SLC19A1: variants seen among roughly 807,000 people sequenced by gnomAD.
SLC19A1 encodes reduced folate transporter.
In SLC19A1, 37 loss-of-function variants were observed where a neutral mutation model predicts 35.3. That is an observed-to-expected ratio of 1.05 (90% CI 0.81 to 1.38). SLC19A1 has a LOEUF of 1.38. Ranked by LOEUF, SLC19A1 falls within the 40% of genes most tolerant of loss-of-function variation. The pLI is 0.00. For synonymous variants in SLC19A1, 460 were observed against 398.5 expected (o/e 1.15, Z -1.84); for missense variants, 831 against 826.9 (o/e 1.00, Z -0.06).
upstream of SLC19A1, among the ~76,000 whole-genome samples, chr21:45,546,146 T>C (rs1482754100): frequency 6.6e-6 from 1 of 152,240 alleles, no homozygotes; most frequent in African/African-American, 2.4e-5. Context: ...TGCCTGCAGC[T>C]GTGGCCCCCA....
intron 1 of SLC19A1, among the ~76,000 whole-genome samples, chr21:45,557,611 AG>A (rs1322686873): frequency 6.6e-6 from 1 of 152,126 alleles, no homozygotes; most frequent in African/African-American, 2.4e-5. Context: ...ACCAGGGTGC[AG>A]GGGCCCAAAC....
At position 45,515,301 on chromosome 21, in the gene SLC19A1, G is replaced by A; in HGVS notation, c.*357C>T. On this transcript the variant is annotated 3_prime_UTR_variant, in exon 6 of 6. Transcript: ENST00000311124. ...AACTCCTGTGGGGCCAGTGTCCCCT[G>A]AGCTGGTATCCAAGAGGCCACTTCA... 1.4e-6 allele frequency: 2 copies of A among 1,470,406 alleles called. No homozygotes were observed. The highest frequency in any genetic ancestry group is 1.4e-5 in the African/African-American group (1 of 69,894). The allele number at this position is 1,470,406 out of a possible 1,614,324, so 91.1% of individuals were successfully genotyped here. A position where few individuals can be genotyped will look rare whatever the true frequency, so the allele number is the denominator to read the frequency against.
chr21:45,551,769 T>A (rs1465994853), intron 1 of SLC19A1, among the ~76,000 whole-genome samples: 1 of 152,248 alleles, frequency 6.6e-6, no homozygotes, highest in East Asian at 1.9e-4. Flanking sequence ...GTGTTTTATA[T>A]GAATAAAATC....
intron 1 of SLC19A1, among the ~76,000 whole-genome samples, chr21:45,550,094 G>A (rs1602941159): frequency 6.6e-6 from 1 of 152,054 alleles, no homozygotes; most frequent in South Asian, 2.1e-4. Flanking sequence ...GGTCAGTGTG[G>A]GGTACCGCCC....
At chr21:45,505,575 G>T in intron 3 of SLC19A1, 1 of 683,926 alleles carries the variant, frequency 1.5e-6, no homozygotes, top group South Asian at 1.6e-5. Flanking sequence ...TGGAAGCGGG[G>T]CCAGGCCATG....
rs373236491 is a variant in SLC19A1 at position 45,517,091 on chromosome 21, G to A, written c.1294-951C>T. ...ACAAGGGCAGACTGGCCGGGCCCTC[G>A]GGGTCTGGGGAGCTGTGCCACGCAA... On this transcript the variant is annotated intron_variant, in intron 5 of 5. Transcript: ENST00000311124. This position sits in a 1 kb window ranked among gnomAD's most constrained non-coding sequence, Gnocchi z 4.4. 5.3e-5 allele frequency among the ~76,000 whole-genome samples: 8 copies of A among 152,026 alleles called. No homozygotes were observed. Among genetic ancestry groups the A allele is most frequent in the African/African-American group, 1.2e-4 (5 of 41,392 alleles).
At position 45,505,180 on chromosome 21, in the gene SLC19A1, C is replaced by A. The variant is rs753905674; in HGVS notation, c.498-6568G>T. On this transcript the variant is annotated intron_variant, in intron 3 of 4. Coordinates refer to the SLC19A1 transcript ENST00000417954. ...CGGGGCCAGCCCGGCCCACCTGGAC[C>A]TCAGGGACCCCCCGGCATCGGCTAC... The A allele has an allele frequency of 1.2e-6, 2 of 1,606,594 alleles. No homozygotes were observed. Among genetic ancestry groups the A allele is most frequent in the Non-Finnish European group, 1.7e-6 (2 of 1,177,574 alleles).
chr21:45,522,053 GA>G lies in SLC19A1; in HGVS notation c.1293+3763del, dbSNP rs1013988829. 9.2e-4 allele frequency among the ~76,000 whole-genome samples: 138 copies of G among 150,788 alleles called. 2 individuals carry two copies. Among genetic ancestry groups the G allele is most frequent in the Non-Finnish European group, 7.5e-4 (51 of 67,702 alleles). On this transcript the variant is annotated intron_variant, in intron 5 of 5. Transcript: ENST00000311124. Reference sequence around the variant, plus strand: ...AGATGAAACAACCAGCTACAGAGTTGAAAAAAAAATTGCAAACTGTATATAT... The same window carrying G: ...AGATGAAACAACCAGCTACAGAGTTGAAAAAAAATTGCAAACTGTATATAT...
intron 5 of SLC19A1, among the ~76,000 whole-genome samples, chr21:45,521,289 G>T (rs968055336): frequency 6.6e-6 from 1 of 152,166 alleles, no homozygotes; most frequent in Non-Finnish European, 1.5e-5. Context: ...AATATGGTTT[G>T]ATTTACTTAA....
intron 4 of SLC19A1, among the ~76,000 whole-genome samples, chr21:45,527,623 C>T (rs1213018359): frequency 4.6e-5 from 3 of 65,258 alleles, no homozygotes; most frequent in Non-Finnish European, 6.5e-5. Flanking sequence ...GGCAGCCAGG[C>T]AGGGCGGGCC....
chr21:45,520,383 G>A (rs1206073258), intron 5 of SLC19A1, among the ~76,000 whole-genome samples: 1 of 151,306 alleles, frequency 6.6e-6, no homozygotes, highest in African/African-American at 2.4e-5. Flanking sequence ...CAGAAAGGAA[G>A]AAATATTTGC....
At chr21:45,509,827 C>T (rs777884134), downstream of SLC19A1, among the ~76,000 whole-genome samples, 36 of 152,212 alleles carry the variant, frequency 2.4e-4, no homozygotes, top group Non-Finnish European at 2.5e-4. Flanking sequence ...CTTGAGGAAC[C>T]GGCGTACCTC....
rs1220024688 is a variant in SLC19A1, at chr21:45,535,893, AC to A, written c.189+1877del. 2.6e-5 allele frequency: 4 copies of A among 155,982 alleles called. No individual in the cohort carries two copies. In the East Asian group the frequency reaches 7.2e-4, roughly 28 times the overall value. The allele number at this position is 155,982 out of a possible 1,614,324, so 9.7% of individuals were successfully genotyped here. A position where few individuals can be genotyped will look rare whatever the true frequency, so the allele number is the denominator to read the frequency against. On this transcript the variant is annotated intron_variant, in intron 2 of 5. Coordinates refer to ENST00000311124, the MANE Select transcript of SLC19A1 (RefSeq NM_194255.4). ...AAAGCTGGGTCACAAGACACCACTT[AC>A]GTGAACTTCCTAGACACAAGCCTGG...
chr21:45,527,479 GTGGCAGTCAGTTACT>G, intron 4 of SLC19A1, among the ~76,000 whole-genome samples: 1 of 143,446 alleles, frequency 7.0e-6, no homozygotes, highest in Non-Finnish European at 1.5e-5. Context: ...CTGGAGGTGA[GTGGCAGTCAGTTACT>G]GCGGGCCCTG....
Position 45,552,574 on chromosome 21 carries a change from G to A in SLC19A1, c.-50+10168C>T, listed in dbSNP as rs550023114. On this transcript the variant is annotated intron_variant, in intron 1 of 5. Coordinates refer to the SLC19A1 transcript ENST00000650808. ...GGGACCACGTGGAGGAGGGATTAGCGCGTGCTATAATCCGCAGTCACCAGC... is the reference window on the plus strand; with the variant it reads ...GGGACCACGTGGAGGAGGGATTAGCACGTGCTATAATCCGCAGTCACCAGC... Among the ~76,000 whole-genome samples the A allele has an allele frequency of 1.7e-3, 256 of 152,318 alleles. 1 individual carries two copies. Among genetic ancestry groups the A allele is most frequent in the African/African-American group, 5.9e-3 (246 of 41,580 alleles).
upstream of SLC19A1, among the ~76,000 whole-genome samples, chr21:45,549,156 T>C (rs554520610): frequency 4.6e-5 from 7 of 152,304 alleles, no homozygotes; most frequent in East Asian, 1.2e-3. Context: ...GGATGAAGGA[T>C]AAACACGCAG....
intron 3 of SLC19A1, chr21:45,504,530 GGCC>G (rs1223479217): frequency 6.4e-7 from 1 of 1,571,450 alleles, no homozygotes; most frequent in Non-Finnish European, 8.6e-7. Context: ...AGGCCCCCCA[GGCC>G]CACGTGGCTA....
rs995647960 is a variant in SLC19A1, at chr21:45,540,706, C to T, written c.-50+1662G>A. 1.3e-5 allele frequency among the ~76,000 whole-genome samples: 2 copies of T among 152,310 alleles called. No homozygotes were observed. The highest frequency in any genetic ancestry group is 3.9e-4 in the East Asian group (2 of 5,162). ...CGCCTAGACTCCAAGTGTCCAGACC[C>T]CAGCCCAGTCCCATACAGCTTGAGG... is the stretch of plus-strand genomic sequence containing the variant. On this transcript the variant is annotated intron_variant, in intron 1 of 5. Coordinates refer to ENST00000311124, the MANE Select transcript of SLC19A1 (RefSeq NM_194255.4). The surrounding 1 kb of genome is among the most constrained non-coding windows in gnomAD (Gnocchi z 5.5).
rs372709774 is a variant in SLC19A1 at position 45,527,430 on chromosome 21, T to C, written c.1152-1472A>G. ...TGGAGGTGAGTGGCAGCGGGCAGGG[T>C]GGGCCCTGGAGGTGAGTGGCAGCCA... is the stretch of plus-strand genomic sequence containing the variant. On this transcript the variant is annotated intron_variant, in intron 4 of 5. Transcript: ENST00000311124. Among the ~76,000 whole-genome samples, 500 of 52,490 alleles carry C rather than the reference T, an allele frequency of 9.5e-3. 19 individuals are homozygous for C. Among genetic ancestry groups the C allele is most frequent in the East Asian group, 0.083 (141 of 1,704 alleles). 34.4% of individuals were successfully genotyped at this position (52,490 alleles called of 152,430 possible). A position where few individuals can be genotyped will look rare whatever the true frequency, so the allele number is the denominator to read the frequency against.
Sources: gnomAD v4.1 joint callset for allele counts (sites outside exome capture counted in the v4.1 genomes callset) on GRCh38, gnomAD v4.1.1 for gene constraint, Gnocchi (gnomAD v3.1) non-coding constraint, MANE v1.5 for transcripts, NCBI Gene and HGNC (gene_info 2026-07-23, HGNC 2026-07-21) for gene names.